Variants in KIFAP3 observed in about 807,000 individuals in gnomAD.
KIFAP3 encodes the protein kinesin-associated protein 3.
In KIFAP3, 68 loss-of-function variants were observed where a neutral mutation model predicts 106.5. The ratio of observed to expected loss-of-function variants is 0.64; its 90% CI spans 0.53 to 0.78. KIFAP3 has a LOEUF of 0.78. Among genes scored for constraint, KIFAP3 ranks in the 30% least tolerant of loss-of-function variants. The probability of loss-of-function intolerance (pLI) is 0.00; values close to 1 mark genes in which losing one functional copy is unlikely to be tolerated. For synonymous variants in KIFAP3, 320 were observed against 311.5 expected, an observed-to-expected ratio of 1.03 and a Z score of -0.29; for missense variants, 780 against 941.8, an observed-to-expected ratio of 0.83 and a Z score of 2.25.
intron 10 of KIFAP3, among the ~76,000 whole-genome samples, chr1:170,007,413 A>T (rs1292166285): frequency 6.6e-6 from 1 of 152,136 alleles, no homozygotes; most frequent in Non-Finnish European, 1.5e-5. Flanking sequence ...AAATGAAGAC[A>T]GGAAATGAAG....
At position 169,983,401 on chromosome 1, in the gene KIFAP3, C is replaced by T; in HGVS notation, c.1394-19G>A. On this transcript the variant is annotated intron_variant, in intron 12 of 19. Transcript: ENST00000361580. Reference sequence around the variant, plus strand: ...CCATTTCCTGAAACAGAAAAGTCCCCCAATAAAATTAAGGTTAGCTTAAGT... The same window carrying T: ...CCATTTCCTGAAACAGAAAAGTCCCTCAATAAAATTAAGGTTAGCTTAAGT... The T allele has an allele frequency of 6.6e-7, 1 of 1,515,958 alleles. No homozygotes were observed. The highest frequency in any genetic ancestry group is 1.2e-5 in the South Asian group (1 of 85,526). 93.9% of individuals were successfully genotyped at this position (1,515,958 alleles called of 1,614,324 possible). A position where few individuals can be genotyped will look rare whatever the true frequency, so the allele number is the denominator to read the frequency against.
chr1:169,982,973 A>G, intron 13 of KIFAP3, 106 bp from the exon 14 acceptor site: 1 of 697,218 alleles, frequency 1.4e-6, no homozygotes, highest in Admixed American at 3.9e-5. Flanking sequence ...GTAAATATCA[A>G]ATGTGATTTT....
intron 19 of KIFAP3, among the ~76,000 whole-genome samples, chr1:169,927,646 T>C (rs1453440472): frequency 6.6e-6 from 1 of 152,172 alleles, no homozygotes; most frequent in East Asian, 1.9e-4. Flanking sequence ...AAAAATTACA[T>C]GAATTCATGA....
At chr1:170,058,981 G>A (rs1394477962) in intron 1 of KIFAP3, among the ~76,000 whole-genome samples, 2 of 152,092 alleles carry the variant, frequency 1.3e-5, no homozygotes, top group Non-Finnish European at 2.9e-5. Context: ...TGAGAACAAA[G>A]ACACAAAGAA....
chr1:170,019,545 A>G lies in KIFAP3; in HGVS notation c.1021-2921T>C, dbSNP rs561950626. Among the ~76,000 whole-genome samples, 3 of 152,276 alleles carry G rather than the reference A, an allele frequency of 2.0e-5. No individual in the cohort carries two copies. The South Asian group carries it at 6.2e-4, about 32-fold the overall frequency. ...CAAAAGTCAATCAATGTAACTCACT[A>G]TATCAACAGTCTTTAGACTGTTGCG... On this transcript the variant is annotated intron_variant, in intron 9 of 19. Transcript: ENST00000361580.
At chr1:169,996,649 C>A (rs890285469) in intron 10 of KIFAP3, among the ~76,000 whole-genome samples, 6 of 152,148 alleles carry the variant, frequency 3.9e-5, no homozygotes, top group Non-Finnish European at 7.4e-5. Context: ...TACTTTTAAC[C>A]AAGCCTTCCA....
intron 16 of KIFAP3, among the ~76,000 whole-genome samples, chr1:169,973,077 G>C (rs1301714216): frequency 1.1e-5 from 1 of 87,862 alleles, no homozygotes; most frequent in Non-Finnish European, 2.2e-5. Context: ...AATATCAAAA[G>C]AGATAAAAAT....
At chr1:170,070,553 A>C (rs1341222204) in intron 1 of KIFAP3, among the ~76,000 whole-genome samples, 1 of 152,148 alleles carries the variant, frequency 6.6e-6, no homozygotes, top group Non-Finnish European at 1.5e-5. Flanking sequence ...GGAAAAGAAC[A>C]GTCAATTGTT....
intron 19 of KIFAP3, chr1:169,922,976 C>T (rs576225): frequency 0.92 from 280,408 of 304,012 alleles, 129,434 homozygotes; most frequent in East Asian, 0.99. Context: ...TGTGTGAATG[C>T]GTGTGTGTGT....
At chr1:169,956,204 A>C (rs1343712453) in intron 18 of KIFAP3, among the ~76,000 whole-genome samples, 2 of 152,190 alleles carry the variant, frequency 1.3e-5, no homozygotes, top group African/African-American at 4.8e-5. Flanking sequence ...ACACACAAAG[A>C]TATTCGGCAT....
chr1:169,928,104 T>TG (rs973262051), intron 19 of KIFAP3, among the ~76,000 whole-genome samples: 1 of 1,010 alleles, frequency 9.9e-4, no homozygotes, highest in Non-Finnish European at 1.5e-3. Flanking sequence ...ATCTTTTCTC[T>TG]TTTTTTTTTC....
intron 10 of KIFAP3, among the ~76,000 whole-genome samples, chr1:169,994,097 A>G (rs978319875): frequency 6.6e-6 from 1 of 151,952 alleles, no homozygotes; most frequent in Non-Finnish European, 1.5e-5. Flanking sequence ...CATTTACTAT[A>G]TATCAAGAGC....
intron 19 of KIFAP3, among the ~76,000 whole-genome samples, chr1:169,936,747 A>T (rs1485306744): frequency 6.6e-6 from 1 of 151,576 alleles, no homozygotes; most frequent in African/African-American, 2.4e-5. Flanking sequence ...TGCTCTTTAC[A>T]AAAAATGAGG....
rs181783547 is a variant in KIFAP3, at chr1:170,036,224, T to C, written c.518-671A>G. On this transcript the variant is annotated intron_variant, in intron 5 of 19. Coordinates refer to ENST00000361580, the MANE Select transcript of KIFAP3 (RefSeq NM_014970.4). ...TTTCAAATCAGGTTGGTACATGGCA[T>C]ACTAATTCTTAAAATAATTAAAATA... Among the ~76,000 whole-genome samples the C allele has an allele frequency of 7.3e-4, 111 of 152,220 alleles. 1 individual carries two copies. Among genetic ancestry groups the C allele is most frequent in the East Asian group, 3.9e-4 (2 of 5,188 alleles).
At chr1:170,021,261 T>C (rs1668800617) in intron 9 of KIFAP3, among the ~76,000 whole-genome samples, 1 of 151,834 alleles carries the variant, frequency 6.6e-6, no homozygotes, top group Non-Finnish European at 1.5e-5. Context: ...TAATACTACC[T>C]CACAAATAGC....
chr1:170,055,558 T>C (rs995275339), intron 1 of KIFAP3, 122 bp from the exon 2 acceptor site: 4 of 634,744 alleles, frequency 6.3e-6, no homozygotes, highest in Non-Finnish European at 1.0e-5. Flanking sequence ...CAGATTACTC[T>C]TGACTTGGGA....
chr1:169,975,560 C>A (rs1047045525), intron 16 of KIFAP3, among the ~76,000 whole-genome samples: 5 of 152,048 alleles, frequency 3.3e-5, no homozygotes, highest in African/African-American at 9.7e-5. Context: ...ATGCCATTGA[C>A]ATCAACAAAA....
intron 16 of KIFAP3, among the ~76,000 whole-genome samples, chr1:169,976,463 T>C (rs1019352992): frequency 3.3e-5 from 5 of 152,158 alleles, no homozygotes; most frequent in Admixed American, 2.6e-4. Context: ...TTAATACTTA[T>C]GTTCCATGGA....
intron 4 of KIFAP3, 144 bp from the exon 5 acceptor site, chr1:170,038,575 G>T: frequency 1.3e-6 from 1 of 763,404 alleles, no homozygotes; most frequent in East Asian, 2.8e-5. Context: ...TTTTGGATAT[G>T]GAAATTTTAG....
Sources: allele counts gnomAD v4.1 joint callset (sites outside exome capture counted in the v4.1 genomes callset), GRCh38; gene constraint gnomAD v4.1.1; transcripts MANE v1.5; gene names NCBI Gene and HGNC (gene_info 2026-07-23, HGNC 2026-07-21).